ANKS1B: variants seen among roughly 807,000 people sequenced by gnomAD.
ANKS1B encodes the protein ankyrin repeat and sterile alpha motif domain containing 1B.
A neutral mutation model predicts 148.3 loss-of-function variants in ANKS1B; 36 were observed. The observed-to-expected ratio is 0.24, with a 90% CI of 0.19 to 0.32. ANKS1B has a LOEUF of 0.32. ANKS1B is among the 10% of genes least tolerant of loss of function. The pLI, the probability that ANKS1B is intolerant of heterozygous loss-of-function variation, is 1.00. For missense variants in ANKS1B, 1,157 were observed against 1,542.6 expected (o/e 0.75, Z 4.19); for synonymous variants, 542 against 560.8 (o/e 0.97, Z 0.47).
intron 17 of ANKS1B, among the ~76,000 whole-genome samples, chr12:98,969,530 G>C (rs2099881419): frequency 6.6e-6 from 1 of 151,622 alleles, no homozygotes. Context: ...AATTATATAA[G>C]TAAAGAACCC....
At position 99,825,531 on chromosome 12, in the gene ANKS1B, T is replaced by C. The variant is rs533851130; in HGVS notation, c.135-142A>G. The C allele has an allele frequency of 1.9e-4, 116 of 605,680 alleles. No individual in the cohort carries two copies. The African/African-American group carries it at 2.1e-3, about 11-fold the overall frequency. The allele number at this position is 605,680 out of a possible 1,614,324, so 37.5% of individuals were successfully genotyped here. A position where few individuals can be genotyped will look rare whatever the true frequency, so the allele number is the denominator to read the frequency against. On this transcript the variant is annotated intron_variant, in intron 1 of 26. Coordinates refer to ENST00000683438, the MANE Select transcript of ANKS1B (RefSeq NM_001352186.2). ...TGTGGAAAATGATTGCCATCTTCTA[T>C]GAATTCCCCTCAGAACATCAACTTC... is the stretch of plus-strand genomic sequence containing the variant.
chr12:98,744,623 A>T lies in ANKS1B; in HGVS notation c.*1116T>A. Reference sequence around the variant, plus strand: ...AGTAAATTTTATTTAATCAAATAGTAAGCAAACTTTTTTTTTGTTTGTCTC... The same window carrying T: ...AGTAAATTTTATTTAATCAAATAGTTAGCAAACTTTTTTTTTGTTTGTCTC... On this transcript the variant is annotated 3_prime_UTR_variant, in exon 27 of 27. Transcript: ENST00000683438. 1 of 809,382 alleles carries T rather than the reference A, an allele frequency of 1.2e-6. No homozygotes were observed. Among genetic ancestry groups the T allele is most frequent in the Non-Finnish European group, 1.5e-6 (1 of 669,402 alleles). The allele number at this position is 809,382 out of a possible 1,614,324, so 50.1% of individuals were successfully genotyped here. A position where few individuals can be genotyped will look rare whatever the true frequency, so the allele number is the denominator to read the frequency against.
chr12:98,751,537 A>C lies in ANKS1B; in HGVS notation c.3580-15T>G, dbSNP rs1566019239. Reference sequence around the variant, plus strand: ...TAGGCTAAATTCTGCAAGAAAAATGAGAAAGCATTTGCTACTGGCACACTG... The same window carrying C: ...TAGGCTAAATTCTGCAAGAAAAATGCGAAAGCATTTGCTACTGGCACACTG... On this transcript the variant is annotated splice_polypyrimidine_tract_variant and intron_variant, in intron 25 of 26. Transcript: ENST00000683438. This position sits in a 1 kb window ranked among gnomAD's most constrained non-coding sequence, Gnocchi z 4.3. The C allele has an allele frequency of 2.5e-6, 4 of 1,613,066 alleles. No homozygotes were observed. The East Asian group carries it at 8.9e-5, about 36-fold the overall frequency.
At chr12:98,832,163 T>C in intron 17 of ANKS1B, 27 bp from the exon 18 acceptor site, 1 of 1,497,536 alleles carries the variant, frequency 6.7e-7, no homozygotes, top group African/African-American at 1.4e-5. Flanking sequence ...TTGGGTTAAA[T>C]ATTTCACTGG....
At chr12:98,950,224 T>C (rs1357131994) in intron 17 of ANKS1B, among the ~76,000 whole-genome samples, 1 of 152,098 alleles carries the variant, frequency 6.6e-6, no homozygotes, top group African/African-American at 2.4e-5. Flanking sequence ...TGGTTGAGTA[T>C]AGTGGCTCAT....
intron 1 of ANKS1B, among the ~76,000 whole-genome samples, chr12:99,967,673 C>G (rs2095502088): frequency 6.6e-6 from 1 of 152,018 alleles, no homozygotes; most frequent in South Asian, 2.1e-4. Context: ...CTTTGGGAGG[C>G]TGAGGCGGGC....
intron 1 of ANKS1B, among the ~76,000 whole-genome samples, chr12:99,970,997 A>G (rs2095550808): frequency 6.6e-6 from 1 of 152,122 alleles, no homozygotes; most frequent in Non-Finnish European, 1.5e-5. Context: ...CAAAGTACTC[A>G]GCAAATACTT....
At chr12:98,757,313 ATGT>A (rs1354917846) in intron 25 of ANKS1B, among the ~76,000 whole-genome samples, 5 of 152,180 alleles carry the variant, frequency 3.3e-5, no homozygotes, top group Non-Finnish European at 5.9e-5. Flanking sequence ...GAGGCCCCAG[ATGT>A]TGTTGAGCAG....
chr12:99,843,959 T>G (rs1231929301), intron 1 of ANKS1B, among the ~76,000 whole-genome samples: 1 of 152,156 alleles, frequency 6.6e-6, no homozygotes, highest in Non-Finnish European at 1.5e-5. Context: ...TGGTGTGAGA[T>G]GGTATCTCAT....
At chr12:99,310,175 A>G (rs982304644) in intron 12 of ANKS1B, among the ~76,000 whole-genome samples, 4 of 152,172 alleles carry the variant, frequency 2.6e-5, no homozygotes, top group African/African-American at 9.6e-5. Flanking sequence ...CCCTTAAGAA[A>G]TAATAACATG....
At chr12:99,717,667 A>G (rs2057510616) in intron 8 of ANKS1B, among the ~76,000 whole-genome samples, 1 of 152,134 alleles carries the variant, frequency 6.6e-6, no homozygotes, top group Admixed American at 6.5e-5. Context: ...GAAGACTGAC[A>G]CTGCCCGATC....
At chr12:99,835,869 C>T (rs1038495497) in intron 1 of ANKS1B, among the ~76,000 whole-genome samples, 1 of 152,160 alleles carries the variant, frequency 6.6e-6, no homozygotes, top group Non-Finnish European at 1.5e-5. Flanking sequence ...TTACAAACCA[C>T]CATAGCACAC....
At chr12:99,235,779 A>G (rs1316181681) in intron 14 of ANKS1B, among the ~76,000 whole-genome samples, 2 of 152,210 alleles carry the variant, frequency 1.3e-5, no homozygotes, top group African/African-American at 4.8e-5. Context: ...CCTTTTTAAA[A>G]ATTATCACTT....
intron 1 of ANKS1B, among the ~76,000 whole-genome samples, chr12:99,962,936 C>T (rs552026612): frequency 5.9e-5 from 9 of 151,926 alleles, no homozygotes; most frequent in Non-Finnish European, 1.0e-4. Flanking sequence ...GCCTCAGCCT[C>T]CGGAGTAGCT....
chr12:99,474,922 T>C (rs2096292759), intron 10 of ANKS1B, among the ~76,000 whole-genome samples: 1 of 151,972 alleles, frequency 6.6e-6, no homozygotes, highest in Non-Finnish European at 1.5e-5. Context: ...TACATGATTA[T>C]ATATCCAAAA....
At chr12:99,751,706 A>G (rs2061123533) in intron 8 of ANKS1B, among the ~76,000 whole-genome samples, 2 of 152,098 alleles carry the variant, frequency 1.3e-5, no homozygotes, top group Non-Finnish European at 2.9e-5. Context: ...AATGCCCTCA[A>G]GGGGTTCACA....
Position 98,801,230 on chromosome 12 carries a change from A to G in ANKS1B, c.3142-105T>C. ...CACACAGGTGCTGTGAATGTACCAAAATGCATTTGGGTGTCTTATGTGAAT... is the reference window on the plus strand; with the variant it reads ...CACACAGGTGCTGTGAATGTACCAAGATGCATTTGGGTGTCTTATGTGAAT... On this transcript the variant is annotated intron_variant, in intron 20 of 26. Transcript: ENST00000683438. The surrounding 1 kb of genome is among the most constrained non-coding windows in gnomAD (Gnocchi z 5.2). 1 of 1,155,706 alleles carries G rather than the reference A, an allele frequency of 8.7e-7. No homozygotes were observed. Among genetic ancestry groups the G allele is most frequent in the Non-Finnish European group, 1.2e-6 (1 of 830,152 alleles). 71.6% of individuals were successfully genotyped at this position (1,155,706 alleles called of 1,614,324 possible). A position where few individuals can be genotyped will look rare whatever the true frequency, so the allele number is the denominator to read the frequency against.
At chr12:99,745,190 G>T (rs1166354567) in intron 8 of ANKS1B, among the ~76,000 whole-genome samples, 1 of 147,306 alleles carries the variant, frequency 6.8e-6, no homozygotes, top group East Asian at 2.0e-4. Context: ...AAGAGAATAA[G>T]GAAACATAAC....
intron 12 of ANKS1B, among the ~76,000 whole-genome samples, chr12:99,269,476 AT>A (rs1355947027): frequency 2.6e-5 from 4 of 151,008 alleles, no homozygotes; most frequent in Non-Finnish European, 5.9e-5. Context: ...CAGAATTCTT[AT>A]TAATTTATTT....
Sources: gnomAD v4.1 joint callset for allele counts (sites outside exome capture counted in the v4.1 genomes callset) on GRCh38, gnomAD v4.1.1 for gene constraint, Gnocchi (gnomAD v3.1) non-coding constraint, MANE v1.5 for transcripts, NCBI Gene and HGNC (gene_info 2026-07-23, HGNC 2026-07-21) for gene names.